GSK3B: variants seen among roughly 807,000 people sequenced by gnomAD.
The protein encoded by GSK3B is glycogen synthase kinase 3 beta.
Under a neutral mutation model 56.4 loss-of-function variants are expected in GSK3B, and 15 were observed. The observed-to-expected ratio is 0.27, with a 90% confidence interval of 0.18 to 0.41. The LOEUF (loss-of-function observed/expected upper bound fraction) is 0.41. Among genes scored for constraint, GSK3B ranks in the 10% least tolerant of loss-of-function variants. GSK3B has a pLI of 1.00. For synonymous variants in GSK3B, 181 were observed against 188.9 expected (o/e 0.96, Z 0.34); for missense variants, 300 against 513.4 (o/e 0.58, Z 4.02).
intron 1 of GSK3B, among the ~76,000 whole-genome samples, chr3:120,010,699 G>A (rs2057771024): frequency 6.6e-6 from 1 of 152,172 alleles, no homozygotes; most frequent in Admixed American, 6.5e-5. Context: ...ATGCCTGTAA[G>A]TGAGCCAAGA....
At chr3:119,976,765 C>CAAAAAAAAAAAAAA (rs563133631) in intron 2 of GSK3B, among the ~76,000 whole-genome samples, 3 of 83,090 alleles carry the variant, frequency 3.6e-5, no homozygotes, top group Non-Finnish European at 8.4e-5. Context: ...CCACTCCCCA[C>CAAAAAAAAAAAAAA]AAAAAAAAAA....
intron 3 of GSK3B, among the ~76,000 whole-genome samples, chr3:119,937,222 C>G (rs1213959952): frequency 2.0e-5 from 3 of 152,038 alleles, no homozygotes; most frequent in Non-Finnish European, 4.4e-5. Flanking sequence ...ACTTGATCCT[C>G]AGTGTTGGAG....
At chr3:120,006,216 T>G (rs2057726164) in intron 1 of GSK3B, among the ~76,000 whole-genome samples, 1 of 152,202 alleles carries the variant, frequency 6.6e-6, no homozygotes, top group Non-Finnish European at 1.5e-5. Flanking sequence ...AAGAGCTAAC[T>G]ATCCTAAAAT....
At chr3:119,989,069 G>C (rs1303842304) in intron 2 of GSK3B, among the ~76,000 whole-genome samples, 1 of 152,018 alleles carries the variant, frequency 6.6e-6, no homozygotes, top group African/African-American at 2.4e-5. Flanking sequence ...CTTTCTTAAA[G>C]CCCTATAAAC....
At chr3:119,975,742 A>T (rs2057403651) in intron 2 of GSK3B, among the ~76,000 whole-genome samples, 2 of 152,212 alleles carry the variant, frequency 1.3e-5, no homozygotes, top group African/African-American at 4.8e-5. Context: ...AGTGAACCAT[A>T]AGGCAAACTC....
chr3:119,905,782 A>C lies in GSK3B; in HGVS notation c.786T>G (p.Gly262=). ...TGATTATTTCTACCAACTGATCCAC[A>C]CCACTATCCCCTGGAAATATTGGTT... is the stretch of plus-strand genomic sequence containing the variant. ...LGQPIFPGDS[G]VDQLVEIIKV... Residue 262 remains glycine (G), a synonymous_variant, in exon 7 of 11, where the codon GGT becomes GGG. Transcript: ENST00000264235. The C allele has an allele frequency of 6.3e-7, 1 of 1,594,262 alleles. No homozygotes were observed. Among genetic ancestry groups the C allele is most frequent in the Non-Finnish European group, 8.6e-7 (1 of 1,162,062 alleles).
intron 7 of GSK3B, among the ~76,000 whole-genome samples, chr3:119,902,174 A>T (rs1192789915): frequency 3.9e-5 from 6 of 152,200 alleles, no homozygotes; most frequent in African/African-American, 1.4e-4. Context: ...TTTAAAATAC[A>T]GAACGTCTTA....
chr3:119,849,310 T>G (rs2055896610), intron 9 of GSK3B, among the ~76,000 whole-genome samples: 1 of 152,146 alleles, frequency 6.6e-6, no homozygotes, highest in South Asian at 2.1e-4. Flanking sequence ...CTTTGTCTGA[T>G]CAACAGAAAT....
At chr3:120,027,971 C>T (rs1450166980) in intron 1 of GSK3B, among the ~76,000 whole-genome samples, 1 of 152,112 alleles carries the variant, frequency 6.6e-6, no homozygotes, top group Admixed American at 6.5e-5. Context: ...ATCCAATATG[C>T]TTATAGAACA....
chr3:119,836,070 G>C (rs1318026800), intron 10 of GSK3B, among the ~76,000 whole-genome samples: 1 of 152,126 alleles, frequency 6.6e-6, no homozygotes, highest in Non-Finnish European at 1.5e-5. Flanking sequence ...GAAAATAATT[G>C]TAATTGTAAG....
At chr3:119,833,583 C>T (rs930020751) in intron 10 of GSK3B, among the ~76,000 whole-genome samples, 4 of 150,762 alleles carry the variant, frequency 2.7e-5, no homozygotes, top group African/African-American at 9.8e-5. Context: ...AAACATTTTA[C>T]TATTTATATT....
intron 2 of GSK3B, among the ~76,000 whole-genome samples, chr3:119,982,176 A>C (rs2057469700): frequency 6.6e-6 from 1 of 150,820 alleles, no homozygotes; most frequent in Admixed American, 6.6e-5. Context: ...AACATCAACA[A>C]AAAGGACATC....
At chr3:120,069,860 T>C (rs2058311817) in intron 1 of GSK3B, among the ~76,000 whole-genome samples, 1 of 152,138 alleles carries the variant, frequency 6.6e-6, no homozygotes. Flanking sequence ...CTATAAAATA[T>C]ATTTAAGATG....
intron 1 of GSK3B, among the ~76,000 whole-genome samples, chr3:120,073,002 T>C (rs146836833): frequency 6.6e-6 from 1 of 152,146 alleles, no homozygotes; most frequent in East Asian, 1.9e-4. Flanking sequence ...CTAGACTAAA[T>C]TACCTGGGTT....
At chr3:119,831,907 G>C (rs1031674853) in intron 10 of GSK3B, among the ~76,000 whole-genome samples, 2 of 152,100 alleles carry the variant, frequency 1.3e-5, no homozygotes, top group East Asian at 3.9e-4. Context: ...AGAGGAAATA[G>C]AACAATCAGC....
At chr3:119,936,525 T>G (rs939227142) in intron 3 of GSK3B, among the ~76,000 whole-genome samples, 4 of 151,252 alleles carry the variant, frequency 2.6e-5, no homozygotes, top group Non-Finnish European at 5.9e-5. Flanking sequence ...TTTTGTATTT[T>G]TTAGTAGAGA....
chr3:119,950,678 C>T (rs2057148904), intron 2 of GSK3B, among the ~76,000 whole-genome samples: 1 of 152,024 alleles, frequency 6.6e-6, no homozygotes, highest in Admixed American at 6.5e-5. Flanking sequence ...AAATCTACTC[C>T]CCCACAATAC....
chr3:119,917,067 C>G lies in GSK3B; in HGVS notation c.478-893G>C, dbSNP rs1006678345. 3.9e-5 allele frequency among the ~76,000 whole-genome samples: 6 copies of G among 151,950 alleles called. No homozygotes were observed. The East Asian group carries it at 1.2e-3, about 29-fold the overall frequency. ...GCTGTTTACCTTCTGACCTCTACCCCAAAGTTACACCATGGACAGAATTTT... is the reference window on the plus strand; with the variant it reads ...GCTGTTTACCTTCTGACCTCTACCCGAAAGTTACACCATGGACAGAATTTT... On this transcript the variant is annotated intron_variant, in intron 4 of 10. Transcript: ENST00000264235.
intron 1 of GSK3B, among the ~76,000 whole-genome samples, chr3:120,062,027 C>T (rs1041133696): frequency 9.2e-5 from 14 of 152,112 alleles, no homozygotes; most frequent in Admixed American, 5.9e-4. Context: ...CCACCATTTC[C>T]GGCCATATAT....
Sources: allele counts gnomAD v4.1 joint callset (sites outside exome capture counted in the v4.1 genomes callset), GRCh38; gene constraint gnomAD v4.1.1; transcripts MANE v1.5; gene names NCBI Gene and HGNC (gene_info 2026-07-23, HGNC 2026-07-21).